STPG2: variants seen among roughly 807,000 people sequenced by gnomAD.
STPG2 encodes the protein sperm tail PG-rich repeat containing 2.
STPG2 carries 56 observed loss-of-function variants against 54.2 expected under a neutral mutation model. The ratio of observed to expected loss-of-function variants is 1.03; its 90% confidence interval spans 0.83 to 1.29. The LOEUF (loss-of-function observed/expected upper bound fraction) is 1.29, where lower values mean the gene tolerates loss of function less well. STPG2 is among the 50% of genes most tolerant of loss of function. STPG2 has a pLI of 0.00. For missense variants in STPG2, 596 were observed against 544.9 expected (o/e 1.09, Z -0.93); for synonymous variants, 200 against 181.8 (o/e 1.10, Z -0.81).
intron 10 of STPG2, among the ~76,000 whole-genome samples, chr4:97,644,279 G>A (rs1392125380): frequency 1.3e-5 from 2 of 151,870 alleles, no homozygotes; most frequent in Non-Finnish European, 2.9e-5. Flanking sequence ...AACACATACA[G>A]CATCAGGATA....
chr4:98,136,885 T>C (rs970203619), intron 1 of STPG2, among the ~76,000 whole-genome samples: 7 of 151,338 alleles, frequency 4.6e-5, no homozygotes, highest in Non-Finnish European at 7.4e-5. Context: ...ATAGTGGACA[T>C]AAAAAAAGAA....
chr4:97,598,221 T>A (rs1235130185), intron 10 of STPG2, among the ~76,000 whole-genome samples: 1 of 151,904 alleles, frequency 6.6e-6, no homozygotes, highest in Non-Finnish European at 1.5e-5. Flanking sequence ...AAAAGACTGC[T>A]AAAAGAAATC....
intron 7 of STPG2, among the ~76,000 whole-genome samples, chr4:97,959,538 A>G (rs1733808965): frequency 6.6e-6 from 1 of 152,162 alleles, no homozygotes. Flanking sequence ...CTGACACCAC[A>G]GAAATACAAA....
chr4:97,444,157 AAGACACATG>A (rs1215720070), intron 4 of STPG2, among the ~76,000 whole-genome samples: 7 of 152,194 alleles, frequency 4.6e-5, no homozygotes, highest in Non-Finnish European at 1.0e-4. Flanking sequence ...AAGAGCATAC[AAGACACATG>A]AGACACAATT....
At chr4:97,598,432 T>C (rs1733359131) in intron 10 of STPG2, among the ~76,000 whole-genome samples, 1 of 150,758 alleles carries the variant, frequency 6.6e-6, no homozygotes, top group African/African-American at 2.4e-5. Context: ...GCCAAAGCAA[T>C]CCTAAGCAAA....
chr4:97,953,675 G>A (rs1447129388), intron 7 of STPG2, among the ~76,000 whole-genome samples: 1 of 152,182 alleles, frequency 6.6e-6, no homozygotes, highest in Non-Finnish European at 1.5e-5. Flanking sequence ...TCTAGCACTG[G>A]GTAGAGTTAA....
At chr4:97,464,499 CTCT>C (rs1261618597) in intron 4 of STPG2, among the ~76,000 whole-genome samples, 2 of 152,110 alleles carry the variant, frequency 1.3e-5, no homozygotes, top group Non-Finnish European at 2.9e-5. Context: ...TCACTAAAAC[CTCT>C]TCCTCCTGGG....
chr4:97,969,495 C>A (rs1209842595), intron 7 of STPG2, among the ~76,000 whole-genome samples: 2 of 152,096 alleles, frequency 1.3e-5, no homozygotes, highest in East Asian at 1.9e-4. Context: ...AAGGCAGTGA[C>A]CCCCCTGGAC....
intron 8 of STPG2, among the ~76,000 whole-genome samples, chr4:97,931,836 A>G (rs1459518129): frequency 6.6e-6 from 1 of 152,002 alleles, no homozygotes; most frequent in African/African-American, 2.4e-5. Context: ...TTCTTTGTAC[A>G]TCTGGTAGAA....
At chr4:97,845,980 G>C (rs1293490574) in intron 8 of STPG2, among the ~76,000 whole-genome samples, 1 of 152,166 alleles carries the variant, frequency 6.6e-6, no homozygotes, top group Non-Finnish European at 1.5e-5. Context: ...GACTATGAGA[G>C]AATAAAGGCT....
At chr4:97,578,749 C>T (rs892913215) in intron 10 of STPG2, among the ~76,000 whole-genome samples, 1 of 152,036 alleles carries the variant, frequency 6.6e-6, no homozygotes, top group Non-Finnish European at 1.5e-5. Flanking sequence ...GAAAGGGTTC[C>T]AGTAAATATT....
At chr4:97,676,786 G>A (rs1722865444) in intron 10 of STPG2, among the ~76,000 whole-genome samples, 1 of 152,060 alleles carries the variant, frequency 6.6e-6, no homozygotes, top group African/African-American at 2.4e-5. Flanking sequence ...AAAATTCTAT[G>A]CCTTGATAAA....
intron 3 of STPG2, among the ~76,000 whole-genome samples, chr4:98,111,688 A>G (rs1235958579): frequency 7.9e-6 from 1 of 126,136 alleles, no homozygotes; most frequent in Admixed American, 7.5e-5. Flanking sequence ...ATACTCACAT[A>G]GCTGATAAAG....
At chr4:98,001,057 T>C (rs1175389027) in intron 5 of STPG2, among the ~76,000 whole-genome samples, 1 of 152,154 alleles carries the variant, frequency 6.6e-6, no homozygotes, top group Non-Finnish European at 1.5e-5. Context: ...AAAAGCCACT[T>C]TGATTCCGTA....
intron 5 of STPG2, among the ~76,000 whole-genome samples, chr4:97,989,558 T>C (rs543100407): frequency 2.0e-5 from 3 of 152,186 alleles, no homozygotes; most frequent in East Asian, 3.8e-4. Flanking sequence ...ATTTCACAGA[T>C]AGAAGATTCA....
chr4:97,947,552 T>C (rs1733281534), intron 7 of STPG2, among the ~76,000 whole-genome samples: 1 of 152,148 alleles, frequency 6.6e-6, no homozygotes, highest in Non-Finnish European at 1.5e-5. Flanking sequence ...TTGTCATAGA[T>C]GGTGTCTATT....
intron 5 of STPG2, among the ~76,000 whole-genome samples, chr4:98,085,294 T>C (rs2110120216): frequency 6.6e-6 from 1 of 152,242 alleles, no homozygotes; most frequent in South Asian, 2.1e-4. Context: ...ACTGTCTATA[T>C]GTTTATCCTA....
intron 5 of STPG2, among the ~76,000 whole-genome samples, chr4:98,057,901 C>T (rs1737528216): frequency 6.6e-6 from 1 of 152,154 alleles, no homozygotes; most frequent in Admixed American, 6.6e-5. Flanking sequence ...GGCCAGTATT[C>T]AACATTGTTA....
intron 9 of STPG2, among the ~76,000 whole-genome samples, chr4:97,746,893 T>C (rs1430777705): frequency 6.6e-6 from 1 of 151,194 alleles, no homozygotes; most frequent in Admixed American, 6.6e-5. Context: ...GTTCCAGGTA[T>C]GTAGAACAGT....
Sources: gnomAD v4.1 joint callset for allele counts (sites outside exome capture counted in the v4.1 genomes callset) on GRCh38, gnomAD v4.1.1 for gene constraint, MANE v1.5 for transcripts, NCBI Gene and HGNC (gene_info 2026-07-23, HGNC 2026-07-21) for gene names.